Variants in DSCAM observed in about 807,000 individuals in gnomAD.
DSCAM encodes cell adhesion molecule DSCAM.
In DSCAM, 47 loss-of-function variants were observed where a neutral mutation model predicts 217.7. The observed-to-expected ratio is 0.22, with a 90% CI of 0.17 to 0.28. DSCAM has a LOEUF of 0.28. Ranked by LOEUF, DSCAM falls within the 10% of genes least tolerant of loss-of-function variation. The pLI, the probability that DSCAM is intolerant of heterozygous loss-of-function variation, is 1.00. For synonymous variants in DSCAM, 1,056 were observed against 1,015.3 expected (o/e 1.04, Z -0.76); for missense variants, 2,080 against 2,618.3 (o/e 0.79, Z 4.49).
chr21:40,323,725 G>A (rs1371618903), intron 8 of DSCAM, among the ~76,000 whole-genome samples: 1 of 152,150 alleles, frequency 6.6e-6, no homozygotes, highest in Non-Finnish European at 1.5e-5. Context: ...TTTCTACAAT[G>A]ATTTTAAACA....
intron 1 of DSCAM, among the ~76,000 whole-genome samples, chr21:40,787,892 A>C (rs777474612): frequency 1.3e-5 from 2 of 152,174 alleles, no homozygotes; most frequent in Non-Finnish European, 2.9e-5. Context: ...AATGAGTTCA[A>C]ATAATCATTA....
rs1183118307 is a variant in DSCAM at position 40,493,877 on chromosome 21, A to AT, written c.509-124633_509-124632insA. On this transcript the variant is annotated intron_variant, in intron 3 of 32. Coordinates refer to ENST00000400454, the MANE Select transcript of DSCAM (RefSeq NM_001389.5). ...AAACTCCATCTCAAAAAAAAAAAAA[A>AT]AAATATATACATATATATACATATA... 1.4e-3 allele frequency among the ~76,000 whole-genome samples: 186 copies of AT among 132,440 alleles called. 1 individual carries two copies. Among genetic ancestry groups the AT allele is most frequent in the South Asian group, 4.6e-3 (18 of 3,954 alleles). 86.9% of individuals were successfully genotyped at this position (132,440 alleles called of 152,430 possible).
intron 3 of DSCAM, among the ~76,000 whole-genome samples, chr21:40,402,180 C>G (rs2075241737): frequency 6.7e-6 from 1 of 149,852 alleles, no homozygotes; most frequent in Non-Finnish European, 1.5e-5. Flanking sequence ...CTGCCTCAGC[C>G]TCCCGAGTAG....
intron 3 of DSCAM, among the ~76,000 whole-genome samples, chr21:40,563,289 C>T (rs2076735014): frequency 6.6e-6 from 1 of 151,384 alleles, no homozygotes; most frequent in Non-Finnish European, 1.5e-5. Flanking sequence ...AGCTTGAAGT[C>T]ACCTGAGATC....
At chr21:40,543,322 A>T (rs1389868535) in intron 3 of DSCAM, among the ~76,000 whole-genome samples, 1 of 152,162 alleles carries the variant, frequency 6.6e-6, no homozygotes, top group Non-Finnish European at 1.5e-5. Flanking sequence ...AGGGATGGGG[A>T]CAAGAAATGT....
At chr21:40,124,486 C>T (rs902240921) in intron 19 of DSCAM, among the ~76,000 whole-genome samples, 158 bp from the exon 20 acceptor site, 3 of 152,096 alleles carry the variant, frequency 2.0e-5, no homozygotes, top group Non-Finnish European at 4.4e-5. Flanking sequence ...TGTTGAAGTC[C>T]TAACCCCCAG....
Position 40,512,010 on chromosome 21 carries a change from A to AAAAAAAAAAAAAAAAT in DSCAM, c.509-142766_509-142765insATTTTTTTTTTTTTTT, listed in dbSNP as rs61560593. On this transcript the variant is annotated intron_variant, in intron 3 of 32. Coordinates refer to ENST00000400454, the MANE Select transcript of DSCAM (RefSeq NM_001389.5). ...TGTCTCAAAAAAAAAAAAAAAAAAA[A>AAAAAAAAAAAAAAAAT]GTATTCTATTTGAGGTCTTGCTTTT... Among the ~76,000 whole-genome samples, 8 of 106,418 alleles carry AAAAAAAAAAAAAAAAT rather than the reference A, an allele frequency of 7.5e-5. 1 individual carries two copies. The highest frequency in any genetic ancestry group is 1.5e-4 in the Non-Finnish European group (8 of 54,106). 69.8% of individuals were successfully genotyped at this position (106,418 alleles called of 152,430 possible). A position where few individuals can be genotyped will look rare whatever the true frequency, so the allele number is the denominator to read the frequency against.
At chr21:40,398,132 G>C (rs1480475221) in intron 3 of DSCAM, among the ~76,000 whole-genome samples, 1 of 152,110 alleles carries the variant, frequency 6.6e-6, no homozygotes, top group Non-Finnish European at 1.5e-5. Flanking sequence ...AAATTCCCTG[G>C]TCCTGGGCCT....
At position 40,221,103 on chromosome 21, in the gene DSCAM, T is replaced by C. The variant is rs548613465; in HGVS notation, c.2357-31865A>G. Among the ~76,000 whole-genome samples the C allele has an allele frequency of 2.7e-3, 409 of 152,302 alleles. 9 individuals carry two copies. Among genetic ancestry groups the C allele is most frequent in the Non-Finnish European group, 6.6e-4 (45 of 68,024 alleles). On this transcript the variant is annotated intron_variant, in intron 11 of 32. Transcript: ENST00000400454. ...GGATTTAAATTCATTTTTGCCTGAC[T>C]ATAGTACCTCTGTTTATTATTATGC...
At chr21:40,674,996 C>T (rs2090321362) in intron 3 of DSCAM, among the ~76,000 whole-genome samples, 1 of 147,462 alleles carries the variant, frequency 6.8e-6, no homozygotes. Flanking sequence ...AACTTCCACA[C>T]TCCCACCTCA....
intron 32 of DSCAM, among the ~76,000 whole-genome samples, chr21:40,029,645 C>A (rs2088479439): frequency 6.6e-6 from 1 of 152,176 alleles, no homozygotes; most frequent in African/African-American, 2.4e-5. Flanking sequence ...TACCTCTGCA[C>A]AGGTCAGCAC....
chr21:40,227,498 G>A (rs1321292921), intron 11 of DSCAM, among the ~76,000 whole-genome samples: 5 of 152,136 alleles, frequency 3.3e-5, no homozygotes, highest in Admixed American at 6.5e-5. Flanking sequence ...GTTTTCTAAA[G>A]GCCTAGCAGC....
At chr21:40,039,018 G>T (rs1416201533) in intron 32 of DSCAM, among the ~76,000 whole-genome samples, 1 of 126,728 alleles carries the variant, frequency 7.9e-6, no homozygotes, top group Non-Finnish European at 1.6e-5. Context: ...GGACTGTAGT[G>T]GGGTGGGGGG....
intron 29 of DSCAM, among the ~76,000 whole-genome samples, chr21:40,054,644 C>T (rs73221347): frequency 0.038 from 5,856 of 152,308 alleles, 175 homozygotes; most frequent in Non-Finnish European, 0.055. Context: ...GAGGCAGCCT[C>T]GGAGCCTGCC....
chr21:40,357,209 T>C (rs2074703105), intron 4 of DSCAM, among the ~76,000 whole-genome samples: 1 of 152,202 alleles, frequency 6.6e-6, no homozygotes, highest in Non-Finnish European at 1.5e-5. Context: ...AAAAACTTCA[T>C]TGCTTCATTT....
chr21:40,495,220 C>G (rs993188275), intron 3 of DSCAM, among the ~76,000 whole-genome samples: 5 of 152,110 alleles, frequency 3.3e-5, no homozygotes, highest in Non-Finnish European at 5.9e-5. Context: ...AAGCTTGCAA[C>G]TCATTTAACA....
At chr21:40,466,903 C>T (rs2075849940) in intron 3 of DSCAM, among the ~76,000 whole-genome samples, 1 of 152,144 alleles carries the variant, frequency 6.6e-6, no homozygotes, top group Admixed American at 6.6e-5. Flanking sequence ...TTGAACCTGG[C>T]TATCACTTTT....
intron 27 of DSCAM, among the ~76,000 whole-genome samples, chr21:40,070,271 AGT>A (rs2089273316): frequency 8.4e-6 from 1 of 118,356 alleles, no homozygotes; most frequent in Non-Finnish European, 1.7e-5. Flanking sequence ...GGAGGGAGGG[AGT>A]GAAGGAGGGA....
intron 3 of DSCAM, among the ~76,000 whole-genome samples, chr21:40,589,545 C>T (rs2076969827): frequency 6.6e-6 from 1 of 152,124 alleles, no homozygotes; most frequent in African/African-American, 2.4e-5. Context: ...CACTGCACTC[C>T]AGCCTGGGCA....
Sources: allele counts gnomAD v4.1 joint callset (sites outside exome capture counted in the v4.1 genomes callset), GRCh38; gene constraint gnomAD v4.1.1; transcripts MANE v1.5; gene names NCBI Gene and HGNC (gene_info 2026-07-23, HGNC 2026-07-21).